Variants in NRG3 observed in about 807,000 individuals in gnomAD.
The protein encoded by NRG3 is neuregulin 3.
A neutral mutation model predicts 66.9 loss-of-function variants in NRG3; 31 were observed. The observed-to-expected ratio is 0.46, with a 90% CI of 0.35 to 0.63. The LOEUF (loss-of-function observed/expected upper bound fraction) is 0.63, where lower values mean the gene tolerates loss of function less well. NRG3 is among the 20% of genes least tolerant of loss of function. NRG3 has a pLI of 0.00. For missense variants in NRG3, 910 were observed against 878.9 expected, an observed-to-expected ratio of 1.04 and a Z score of -0.45; for synonymous variants, 393 against 359.4, an observed-to-expected ratio of 1.09 and a Z score of -1.06.
intron 2 of NRG3, among the ~76,000 whole-genome samples, chr10:82,685,634 CA>C (rs755691032): frequency 1.3e-5 from 2 of 152,018 alleles, no homozygotes; most frequent in Admixed American, 6.6e-5. Context: ...CTTGCTGTAA[CA>C]TTTTTACTTT....
At chr10:82,688,910 A>G (rs1043637197) in intron 2 of NRG3, among the ~76,000 whole-genome samples, 7 of 152,166 alleles carry the variant, frequency 4.6e-5, no homozygotes, top group African/African-American at 1.7e-4. Context: ...AAAAGCCCCA[A>G]TATAATTTTC....
At chr10:82,449,482 G>C in intron 2 of NRG3, among the ~76,000 whole-genome samples, 1 of 152,134 alleles carries the variant, frequency 6.6e-6, no homozygotes. Flanking sequence ...CGGCTGGTCT[G>C]GCTTCTGAGA....
chr10:82,587,618 C>T (rs1360569366), intron 2 of NRG3, among the ~76,000 whole-genome samples: 1 of 152,128 alleles, frequency 6.6e-6, no homozygotes, highest in Non-Finnish European at 1.5e-5. Context: ...GCTCTCCAGC[C>T]CAATCTTCTC....
At chr10:82,555,443 T>C (rs1269435205) in intron 2 of NRG3, among the ~76,000 whole-genome samples, 1 of 152,202 alleles carries the variant, frequency 6.6e-6, no homozygotes, top group African/African-American at 2.4e-5. Flanking sequence ...AAAACTCATT[T>C]TTATACTGTA....
chr10:82,375,636 C>T (rs183958279), intron 2 of NRG3, among the ~76,000 whole-genome samples: 1 of 152,088 alleles, frequency 6.6e-6, no homozygotes, highest in East Asian at 1.9e-4. Flanking sequence ...TACAATGGAA[C>T]ATGGACTTTT....
chr10:82,256,515 C>T (rs922127745), intron 1 of NRG3, among the ~76,000 whole-genome samples: 2 of 152,234 alleles, frequency 1.3e-5, no homozygotes, highest in Middle Eastern at 3.4e-3. Flanking sequence ...CCTTCCTGTC[C>T]TGAGGCACAG....
At chr10:82,796,351 C>G (rs1336964490) in intron 3 of NRG3, among the ~76,000 whole-genome samples, 5 of 152,048 alleles carry the variant, frequency 3.3e-5, no homozygotes, top group African/African-American at 1.2e-4. Flanking sequence ...CTATTGGAAG[C>G]CTGTCAAGTC....
At chr10:82,619,245 G>A (rs1388147674) in intron 2 of NRG3, among the ~76,000 whole-genome samples, 3 of 152,102 alleles carry the variant, frequency 2.0e-5, no homozygotes, top group Non-Finnish European at 4.4e-5. Context: ...GTTTTCTCTA[G>A]AAAGCTTGAA....
intron 1 of NRG3, among the ~76,000 whole-genome samples, chr10:81,980,942 CA>C (rs1231042996): frequency 1.3e-5 from 2 of 152,008 alleles, no homozygotes; most frequent in African/African-American, 4.8e-5. Flanking sequence ...CTAAGGACTT[CA>C]TTTTAAGTTA....
chr10:82,539,868 G>A (rs1371468827), intron 2 of NRG3, among the ~76,000 whole-genome samples: 3 of 152,000 alleles, frequency 2.0e-5, no homozygotes, highest in East Asian at 3.9e-4. Flanking sequence ...TCCTGCCCTC[G>A]TGATCCACCC....
intron 1 of NRG3, among the ~76,000 whole-genome samples, chr10:82,172,656 C>T (rs565567835): frequency 4.7e-4 from 71 of 152,220 alleles, no homozygotes; most frequent in Non-Finnish European, 6.0e-4. Flanking sequence ...GAACCTGTCA[C>T]ACTGTGTGCA....
At chr10:82,679,999 C>G (rs951124565) in intron 2 of NRG3, among the ~76,000 whole-genome samples, 10 of 152,092 alleles carry the variant, frequency 6.6e-5, no homozygotes, top group African/African-American at 2.4e-4. Flanking sequence ...TCATCTATAT[C>G]AATGCCATGG....
intron 2 of NRG3, among the ~76,000 whole-genome samples, chr10:82,546,433 A>T (rs1002908707): frequency 6.6e-6 from 1 of 152,176 alleles, no homozygotes; most frequent in African/African-American, 2.4e-5. Flanking sequence ...ATCGTCATTA[A>T]CAAGCTGTGT....
At chr10:82,374,772 C>T (rs553296158) in intron 2 of NRG3, among the ~76,000 whole-genome samples, 1 of 152,280 alleles carries the variant, frequency 6.6e-6, no homozygotes, top group East Asian at 1.9e-4. Flanking sequence ...CCCTAGAGGT[C>T]CTTTAGTAAT....
chr10:82,976,696 T>C (rs1357093557), intron 7 of NRG3, among the ~76,000 whole-genome samples: 1 of 152,114 alleles, frequency 6.6e-6, no homozygotes, highest in East Asian at 1.9e-4. Flanking sequence ...TGTCCTCTGG[T>C]TTCTGTGGGT....
intron 1 of NRG3, among the ~76,000 whole-genome samples, chr10:82,174,236 T>A (rs1385879826): frequency 6.6e-6 from 1 of 152,180 alleles, no homozygotes; most frequent in Non-Finnish European, 1.5e-5. Context: ...TTCCAAATTG[T>A]TCTTTTCAAC....
At chr10:82,879,529 G>T (rs1017484325) in intron 4 of NRG3, among the ~76,000 whole-genome samples, 2 of 144,382 alleles carry the variant, frequency 1.4e-5, no homozygotes, top group Non-Finnish European at 3.0e-5. Flanking sequence ...CTGGAGTGCA[G>T]TGGCGCGATC....
At chr10:81,997,234 G>C (rs957503297) in intron 1 of NRG3, among the ~76,000 whole-genome samples, 6 of 152,146 alleles carry the variant, frequency 3.9e-5, no homozygotes, top group African/African-American at 1.4e-4. Context: ...CTCTAACACT[G>C]TATCGCAGTT....
intron 2 of NRG3, among the ~76,000 whole-genome samples, chr10:82,623,273 A>G (rs1000471562): frequency 2.6e-5 from 4 of 152,170 alleles, no homozygotes; most frequent in Non-Finnish European, 4.4e-5. Context: ...ACAGCTATAT[A>G]TCCTGCCAGA....
Sources: gnomAD v4.1 joint callset for allele counts (sites outside exome capture counted in the v4.1 genomes callset) on GRCh38, gnomAD v4.1.1 for gene constraint, MANE v1.5 for transcripts, NCBI Gene and HGNC (gene_info 2026-07-23, HGNC 2026-07-21) for gene names.